Variants in PIK3R3 observed in about 807,000 individuals in gnomAD.
PIK3R3 encodes the protein phosphatidylinositol 3-kinase regulatory subunit gamma.
Under a neutral mutation model 62.9 loss-of-function variants are expected in PIK3R3, and 64 were observed. That is an observed-to-expected ratio of 1.02 (90% CI 0.83 to 1.25). PIK3R3 has a LOEUF of 1.25. PIK3R3 is among the 50% of genes most tolerant of loss of function. The pLI is 0.00. For synonymous variants in PIK3R3, 165 were observed against 189.0 expected, an observed-to-expected ratio of 0.87 and a Z score of 1.04; for missense variants, 614 against 561.6, an observed-to-expected ratio of 1.09 and a Z score of -0.94.
the PIK3R3 span, among the ~76,000 whole-genome samples, chr1:46,151,212 C>T: frequency 1.3e-5 from 2 of 152,220 alleles, no homozygotes; most frequent in East Asian, 3.9e-4. Context: ...CATCTCTTCC[C>T]CCATCTCCAC....
chr1:46,174,297 C>T, the PIK3R3 span, among the ~76,000 whole-genome samples: 3 of 152,112 alleles, frequency 2.0e-5, no homozygotes, highest in African/African-American at 7.2e-5. Flanking sequence ...CACCTTCTAG[C>T]TTTGACTGAT....
the PIK3R3 span, among the ~76,000 whole-genome samples, chr1:46,170,411 G>GTGTT: frequency 5.5e-3 from 832 of 152,088 alleles, 4 homozygotes; most frequent in East Asian, 0.01. Context: ...GTCTGGTTTG[G>GTGTT]TGTTTGTTTG....
At chr1:46,107,004 AC>A (rs2149449188) in intron 1 of PIK3R3, among the ~76,000 whole-genome samples, 1 of 151,388 alleles carries the variant, frequency 6.6e-6, no homozygotes, top group South Asian at 2.1e-4. Context: ...CAGATGATCC[AC>A]CCGCCTCAGC....
chr1:46,065,032 G>C (rs769930568), intron 5 of PIK3R3, among the ~76,000 whole-genome samples: 2 of 152,156 alleles, frequency 1.3e-5, no homozygotes, highest in Non-Finnish European at 2.9e-5. Context: ...GAATTAAGTC[G>C]AATCAACATA....
chr1:46,132,224 T>C lies in PIK3R3; in HGVS notation c.-272A>G. ...GCTTGGGGGACGGAGAGCAGAGGTG[T>C]TAAAAAGCGGCTTCCCAAAAATCCT... On this transcript the variant is annotated 5_prime_UTR_variant, in exon 1 of 10. Coordinates refer to ENST00000262741, the MANE Select transcript of PIK3R3 (RefSeq NM_003629.4). 1.7e-6 allele frequency: 2 copies of C among 1,191,096 alleles called. No individual in the cohort carries two copies. Among genetic ancestry groups the C allele is most frequent in the East Asian group, 4.8e-5 (1 of 20,936 alleles). 73.8% of individuals were successfully genotyped at this position (1,191,096 alleles called of 1,614,324 possible).
chr1:46,117,236 C>T (rs1654263743), intron 1 of PIK3R3, among the ~76,000 whole-genome samples: 2 of 152,090 alleles, frequency 1.3e-5, no homozygotes, highest in South Asian at 2.1e-4. Flanking sequence ...AGTTCAAGAC[C>T]AGCATGGGCC....
chr1:46,071,730 T>TATATATATATATAGAGAGAGAGAGAGAG, intron 3 of PIK3R3, among the ~76,000 whole-genome samples: 1 of 59,044 alleles, frequency 1.7e-5, no homozygotes, highest in Non-Finnish European at 3.0e-5. Context: ...TATATATATA[T>TATATATATATATAGAGAGAGAGAGAGAG]AGAGAGAGAG....
intron 6 of PIK3R3, among the ~76,000 whole-genome samples, chr1:46,061,541 A>G (rs1289372057): frequency 6.6e-6 from 1 of 152,208 alleles, no homozygotes; most frequent in Non-Finnish European, 1.5e-5. Context: ...GCTACCAGGG[A>G]AAATAAGCCA....
the PIK3R3 span, among the ~76,000 whole-genome samples, chr1:46,147,005 G>T: frequency 2.0e-5 from 3 of 152,128 alleles, no homozygotes; most frequent in Non-Finnish European, 4.4e-5. Context: ...GGAAACAAAT[G>T]GGCAGGGACT....
intron 3 of PIK3R3, among the ~76,000 whole-genome samples, chr1:46,071,757 A>AGAGAGAGAGAGAGAGCGAGC (rs1230737377): frequency 7.8e-6 from 1 of 128,252 alleles, no homozygotes; most frequent in African/African-American, 3.0e-5. Flanking sequence ...AGAGAGAGAG[A>AGAGAGAGAGAGAGAGCGAGC]GAGCGCGCGC....
At chr1:46,111,426 T>C (rs1440918296) in intron 1 of PIK3R3, among the ~76,000 whole-genome samples, 1 of 151,832 alleles carries the variant, frequency 6.6e-6, no homozygotes, top group Non-Finnish European at 1.5e-5. Context: ...GGAATATAAT[T>C]AGAAAAGGGC....
chr1:46,043,939 A>C, intron 9 of PIK3R3, 68 bp from the exon 10 acceptor site: 3 of 1,296,910 alleles, frequency 2.3e-6, no homozygotes, highest in Non-Finnish European at 3.2e-6. Context: ...CTAAATGGCC[A>C]GAAGTCTGAG....
chr1:46,152,587 G>C, the PIK3R3 span, among the ~76,000 whole-genome samples: 1 of 143,520 alleles, frequency 7.0e-6, no homozygotes, highest in South Asian at 2.3e-4. Flanking sequence ...TTTTGAGATG[G>C]AGTCTCACTC....
intron 3 of PIK3R3, among the ~76,000 whole-genome samples, chr1:46,070,905 T>C (rs995330595): frequency 6.6e-6 from 1 of 152,216 alleles, no homozygotes; most frequent in Non-Finnish European, 1.5e-5. Context: ...CTTAAAGATT[T>C]GTTAAGTATC....
At chr1:46,110,218 T>C (rs1653611236) in intron 1 of PIK3R3, among the ~76,000 whole-genome samples, 1 of 151,276 alleles carries the variant, frequency 6.6e-6, no homozygotes, top group Admixed American at 6.6e-5. Context: ...TTCAAGTGAT[T>C]CTCCTGGCTC....
chr1:46,121,377 TG>T (rs1654659743), intron 1 of PIK3R3, among the ~76,000 whole-genome samples: 1 of 152,212 alleles, frequency 6.6e-6, no homozygotes, highest in South Asian at 2.1e-4. Flanking sequence ...TTAATACATA[TG>T]TAAGAACAGA....
rs544118717 is a variant in PIK3R3, at chr1:46,090,971, T to C, written c.107-10221A>G. On this transcript the variant is annotated intron_variant, in intron 1 of 9. Coordinates refer to ENST00000262741, the MANE Select transcript of PIK3R3 (RefSeq NM_003629.4). ...AGCAAACTATGGCCCTCTGCCTGTT[T>C]TCCAAGGTGCAAAAAATAGTTTTTA... Among the ~76,000 whole-genome samples the C allele has an allele frequency of 1.3e-4, 20 of 152,202 alleles. No individual in the cohort carries two copies. In the East Asian group the frequency reaches 3.5e-3, roughly 26 times the overall value.
intron 1 of PIK3R3, among the ~76,000 whole-genome samples, chr1:46,122,642 A>G (rs113487927): frequency 6.6e-6 from 1 of 152,166 alleles, no homozygotes; most frequent in African/African-American, 2.4e-5. Context: ...TGCTGGGATT[A>G]CAGGTGTGAG....
At position 46,055,936 on chromosome 1, in the gene PIK3R3, A is replaced by G. The variant is rs1647859616; in HGVS notation, c.800T>C (p.Leu267Pro). 1 of 1,599,510 alleles carries G rather than the reference A, an allele frequency of 6.3e-7. No homozygotes were observed. Among genetic ancestry groups the G allele is most frequent in the Non-Finnish European group, 8.5e-7 (1 of 1,174,520 alleles). Residue 267 changes from leucine (L) to proline (P), a missense_variant, in exon 7 of 10, where the codon CTG (leucine) becomes CCG (proline). Coordinates refer to ENST00000262741, the MANE Select transcript of PIK3R3 (RefSeq NM_003629.4). ...MMNYDKLKSR[L>P]GEIHDSKMRL... ...CATTTTGCTATCATGAATCTCACCC[A>G]GACGTGATTTCAATTTATCATAATT...
Sources: gnomAD v4.1 joint callset for allele counts (sites outside exome capture counted in the v4.1 genomes callset) on GRCh38, gnomAD v4.1.1 for gene constraint, MANE v1.5 for transcripts, NCBI Gene and HGNC (gene_info 2026-07-23, HGNC 2026-07-21) for gene names.